The following EPCIP variants were observed in gnomAD, a reference collection of about 807,000 sequenced individuals.
The protein encoded by EPCIP is exosomal polycystin-1-interacting protein.
At chr21:32,800,823 C>A in the EPCIP span, among the ~76,000 whole-genome samples, 4,103 of 20,082 alleles carry the variant, frequency 0.2, 81 homozygotes, top group Middle Eastern at 0.31. Context: ...AAAAAAAAAC[C>A]AAAAAAAAAA....
chr21:32,803,034 G>A, the EPCIP span, among the ~76,000 whole-genome samples: 1 of 152,168 alleles, frequency 6.6e-6, no homozygotes, highest in Non-Finnish European at 1.5e-5. Flanking sequence ...GAGCCTCTGG[G>A]TGGCTTCATC....
At chr21:32,792,219 A>G in the EPCIP span, among the ~76,000 whole-genome samples, 1 of 152,166 alleles carries the variant, frequency 6.6e-6, no homozygotes, top group African/African-American at 2.4e-5. Flanking sequence ...CTATGAGGGA[A>G]AATTTTCTTT....
At chr21:32,809,182 C>CGTGCGTGTGT in the EPCIP span, among the ~76,000 whole-genome samples, 2 of 121,096 alleles carry the variant, frequency 1.7e-5, no homozygotes, top group Non-Finnish European at 3.4e-5. Context: ...TCGAGGGGTG[C>CGTGCGTGTGT]GTGTGTGTGT....
chr21:32,802,397 G>T, the EPCIP span, among the ~76,000 whole-genome samples: 1 of 152,184 alleles, frequency 6.6e-6, no homozygotes, highest in African/African-American at 2.4e-5. Context: ...CTCTTTGGAG[G>T]CTCCTGCAAG....
chr21:32,797,180 C>T, the EPCIP span: 2 of 315,962 alleles, frequency 6.3e-6, no homozygotes, highest in East Asian at 9.6e-5. Flanking sequence ...CCAAGTGGGG[C>T]AAATACCCCT....
At chr21:32,793,621 G>C in the EPCIP span, 2 of 766,130 alleles carry the variant, frequency 2.6e-6, no homozygotes, top group Non-Finnish European at 4.7e-6. Flanking sequence ...ATTGGTATGT[G>C]TGGCTGTGTT....
the EPCIP span, among the ~76,000 whole-genome samples, chr21:32,796,263 G>A: frequency 0.11 from 16,521 of 152,234 alleles, 987 homozygotes; most frequent in African/African-American, 0.13. Context: ...CTATAGCAGT[G>A]GGGAGGAGGC....
At chr21:32,801,869 G>A in the EPCIP span, among the ~76,000 whole-genome samples, 2 of 152,068 alleles carry the variant, frequency 1.3e-5, no homozygotes, top group Non-Finnish European at 2.9e-5. Flanking sequence ...AGATGCAGAT[G>A]GAGTGGTGGT....
At chr21:32,793,708 T>C in the EPCIP span, 1 of 1,537,076 alleles carries the variant, frequency 6.5e-7, no homozygotes, top group Non-Finnish European at 9.0e-7. Context: ...AGATTCCTTC[T>C]GCAAATTATT....
At chr21:32,799,275 T>C in the EPCIP span, among the ~76,000 whole-genome samples, 13 of 152,204 alleles carry the variant, frequency 8.5e-5, 1 homozygote, top group Admixed American at 7.9e-4. Flanking sequence ...AAGCACCACT[T>C]TGATAAAATG....
At chr21:32,802,038 C>T in the EPCIP span, among the ~76,000 whole-genome samples, 1 of 152,122 alleles carries the variant, frequency 6.6e-6, no homozygotes, top group Admixed American at 6.5e-5. Flanking sequence ...TATAAGACAT[C>T]TGGAGGTCCA....
the EPCIP span, among the ~76,000 whole-genome samples, chr21:32,806,982 G>C: frequency 6.6e-6 from 1 of 152,184 alleles, no homozygotes; most frequent in South Asian, 2.1e-4. Flanking sequence ...TGAGAGCCAA[G>C]TGAAAGGGGT....
the EPCIP span, chr21:32,807,824 G>C: frequency 7.2e-5 from 11 of 152,364 alleles, no homozygotes; most frequent in African/African-American, 2.4e-4. Context: ...GAAAGCCATT[G>C]AATGACATCT....
At chr21:32,792,915 A>ATTATT in the EPCIP span, among the ~76,000 whole-genome samples, 3 of 69,820 alleles carry the variant, frequency 4.3e-5, no homozygotes, top group African/African-American at 1.4e-4. Context: ...TATTATTATT[A>ATTATT]TTTTTTTTTT....
At chr21:32,809,279 C>CTTCCTTT in the EPCIP span, among the ~76,000 whole-genome samples, 7 of 79,968 alleles carry the variant, frequency 8.8e-5, no homozygotes, top group Non-Finnish European at 1.5e-4. Flanking sequence ...CTCCCTCCTT[C>CTTCCTTT]CTTTCTTTCT....
the EPCIP span, among the ~76,000 whole-genome samples, chr21:32,808,904 G>A: frequency 6.6e-6 from 1 of 152,080 alleles, no homozygotes; most frequent in Non-Finnish European, 1.5e-5. Context: ...ATGACTCTTT[G>A]ACGATTAGTT....
the EPCIP span, among the ~76,000 whole-genome samples, chr21:32,802,241 G>A: frequency 6.6e-6 from 1 of 152,178 alleles, no homozygotes; most frequent in Non-Finnish European, 1.5e-5. Context: ...ATATTACCAT[G>A]CTTACATATC....
At chr21:32,809,261 T>C in the EPCIP span, among the ~76,000 whole-genome samples, 1 of 84,664 alleles carries the variant, frequency 1.2e-5, no homozygotes, top group Non-Finnish European at 2.7e-5. Context: ...TCTTCTTTTC[T>C]TTCTTCCCTC....
the EPCIP span, among the ~76,000 whole-genome samples, chr21:32,801,422 A>G: frequency 1.3e-5 from 2 of 152,368 alleles, no homozygotes; most frequent in African/African-American, 4.8e-5. Context: ...TGGGGAAGCA[A>G]AAATGAAGAA....
Sources: allele counts gnomAD v4.1 joint callset (sites outside exome capture counted in the v4.1 genomes callset), GRCh38; gene constraint gnomAD v4.1.1; transcripts MANE v1.5; gene names NCBI Gene and HGNC (gene_info 2026-07-23, HGNC 2026-07-21).